SLC39A11: variants seen among roughly 807,000 people sequenced by gnomAD.
The protein encoded by SLC39A11 is zinc transporter ZIP11.
SLC39A11 carries 33 observed loss-of-function variants against 36.1 expected under a neutral mutation model. The ratio of observed to expected loss-of-function variants is 0.91; its 90% confidence interval spans 0.69 to 1.22. SLC39A11 has a LOEUF of 1.22. Ranked by LOEUF, SLC39A11 falls within the 50% of genes most tolerant of loss-of-function variation. The pLI is 0.00. For missense variants in SLC39A11, 432 were observed against 430.3 expected (o/e 1.00, Z -0.03); for synonymous variants, 166 against 170.3 (o/e 0.97, Z 0.20).
chr17:72,793,374 A>AC lies in SLC39A11; in HGVS notation c.601+56259dup, dbSNP rs1462654250. Among the ~76,000 whole-genome samples, 10 of 151,336 alleles carry AC rather than the reference A, an allele frequency of 6.6e-5. 1 individual carries two copies. The South Asian group carries it at 8.4e-4, about 13-fold the overall frequency. The stretch of plus-strand genomic sequence containing the variant: ...CATTCTCCAGTTAGCCACAGACCCC[A>AC]CCCCTCCCTACTGTCTTTTATTAGC... On this transcript the variant is annotated intron_variant, in intron 6 of 9. Transcript: ENST00000255559.
At chr17:72,988,923 T>C (rs780405961) in intron 4 of SLC39A11, among the ~76,000 whole-genome samples, 6 of 152,008 alleles carry the variant, frequency 3.9e-5, no homozygotes, top group Non-Finnish European at 7.4e-5. Flanking sequence ...AAGATTACAA[T>C]ATGCAGGCAG....
At chr17:72,790,371 C>T (rs1028613052) in intron 6 of SLC39A11, among the ~76,000 whole-genome samples, 1 of 152,150 alleles carries the variant, frequency 6.6e-6, no homozygotes, top group African/African-American at 2.4e-5. Context: ...CTCATCTGAA[C>T]AACAAAACCG....
intron 3 of SLC39A11, among the ~76,000 whole-genome samples, chr17:73,078,701 T>G (rs2060414612): frequency 6.6e-6 from 1 of 152,058 alleles, no homozygotes; most frequent in South Asian, 2.1e-4. Flanking sequence ...TTCGCCATGT[T>G]GGCCAGGCTG....
intron 4 of SLC39A11, among the ~76,000 whole-genome samples, chr17:73,024,864 A>ATTTTTTTTTTTTTTTTTTTTTT (rs1163840820): frequency 8.2e-5 from 8 of 97,900 alleles, no homozygotes; most frequent in African/African-American, 1.2e-4. Flanking sequence ...TGCCCAGCTA[A>ATTTTTTTTTTTTTTTTTTTTTT]TTTTTTTTTT....
rs375619393 is a variant in SLC39A11 at position 72,771,522 on chromosome 17, CAGG to C, written c.602-34806_602-34804del. Among the ~76,000 whole-genome samples the C allele has an allele frequency of 1.2e-4, 19 of 152,152 alleles. 1 individual carries two copies. The highest frequency in any genetic ancestry group is 4.6e-4 in the African/African-American group (19 of 41,508). ...TACCTGGCCCTCCAGGCTCACCTTG[CAGG>C]AGGAGAGCCTGCAGCTGAGAAGCTC... On this transcript the variant is annotated intron_variant, in intron 6 of 9. Transcript: ENST00000255559.
intron 5 of SLC39A11, among the ~76,000 whole-genome samples, chr17:72,856,843 G>T (rs1030931656): frequency 6.6e-6 from 1 of 152,052 alleles, no homozygotes; most frequent in Non-Finnish European, 1.5e-5. Flanking sequence ...ACCCCACCCG[G>T]CTAATTTTTG....
chr17:72,955,670 C>T (rs1182005605), intron 4 of SLC39A11, among the ~76,000 whole-genome samples: 4 of 151,940 alleles, frequency 2.6e-5, no homozygotes, highest in African/African-American at 9.7e-5. Context: ...CTGTGTCTCG[C>T]GGCCCTACTG....
In SLC39A11 at chr17:72,949,423, A is replaced by C. The variant is rs143684472; in HGVS notation, c.307-1548T>G. ...TGATCCACCTGCCTCGGCCTCCCAA[A>C]GTGCTGGGATTACAGGTGTGGGCCA... is the stretch of plus-strand genomic sequence containing the variant. On this transcript the variant is annotated intron_variant, in intron 4 of 9. Coordinates refer to ENST00000255559, the MANE Select transcript of SLC39A11 (RefSeq NM_139177.4). Among the ~76,000 whole-genome samples the C allele has an allele frequency of 4.2e-3, 638 of 151,904 alleles. 6 individuals are homozygous for C. Among genetic ancestry groups the C allele is most frequent in the Non-Finnish European group, 5.9e-3 (400 of 67,932 alleles).
chr17:72,672,531 T>TA (rs1002325442), intron 7 of SLC39A11, among the ~76,000 whole-genome samples: 10 of 152,250 alleles, frequency 6.6e-5, no homozygotes, highest in Admixed American at 1.3e-4. Context: ...CATCTTAACC[T>TA]AAAAAGACAG....
chr17:72,883,622 T>C (rs2081315188), intron 5 of SLC39A11, among the ~76,000 whole-genome samples: 1 of 152,086 alleles, frequency 6.6e-6, no homozygotes, highest in Non-Finnish European at 1.5e-5. Context: ...TTCTGAGGCT[T>C]GACTGAGAAA....
chr17:73,010,272 T>C (rs1039685837), intron 4 of SLC39A11, among the ~76,000 whole-genome samples: 1 of 152,154 alleles, frequency 6.6e-6, no homozygotes. Context: ...AACCAGACCC[T>C]TTCTCCCTTT....
At chr17:72,729,408 TATA>T (rs1567994125) in intron 7 of SLC39A11, among the ~76,000 whole-genome samples, 154 of 4,430 alleles carry the variant, frequency 0.035, 20 homozygotes, top group Middle Eastern at 0.25. Flanking sequence ...TGGCTATTTA[TATA>T]TATATATATA....
At chr17:73,050,378 G>A (rs962591778) in intron 3 of SLC39A11, among the ~76,000 whole-genome samples, 1 of 148,654 alleles carries the variant, frequency 6.7e-6, no homozygotes, top group African/African-American at 2.5e-5. Flanking sequence ...AAAGCAGGAA[G>A]GGTTATCAGC....
chr17:72,688,734 C>T (rs535030060), intron 7 of SLC39A11, among the ~76,000 whole-genome samples: 1 of 152,282 alleles, frequency 6.6e-6, no homozygotes, highest in Admixed American at 6.5e-5. Context: ...GGAAAGGGTT[C>T]GCTTCAGTGG....
At chr17:72,670,406 TA>T in intron 7 of SLC39A11, among the ~76,000 whole-genome samples, 1 of 152,218 alleles carries the variant, frequency 6.6e-6, no homozygotes, top group South Asian at 2.1e-4. Flanking sequence ...TGTTTCTCCT[TA>T]AATTTTCTCA....
At chr17:73,044,987 T>A (rs2059231628) in intron 3 of SLC39A11, among the ~76,000 whole-genome samples, 1 of 151,946 alleles carries the variant, frequency 6.6e-6, no homozygotes, top group Non-Finnish European at 1.5e-5. Context: ...GATCTGGGCA[T>A]ATTGTATATG....
At chr17:72,801,598 T>C (rs2077086222) in intron 6 of SLC39A11, among the ~76,000 whole-genome samples, 3 of 152,228 alleles carry the variant, frequency 2.0e-5, no homozygotes, top group Non-Finnish European at 2.9e-5. Flanking sequence ...AGCCATGGAA[T>C]TGCACATTGT....
At chr17:73,064,885 G>A (rs939568429) in intron 3 of SLC39A11, among the ~76,000 whole-genome samples, 2 of 152,118 alleles carry the variant, frequency 1.3e-5, no homozygotes. Flanking sequence ...CTTGGCAGAG[G>A]GGGGATAGGG....
intron 5 of SLC39A11, among the ~76,000 whole-genome samples, chr17:72,914,009 G>GCAAA (rs1555629088): frequency 6.8e-6 from 1 of 147,382 alleles, no homozygotes; most frequent in Non-Finnish European, 1.5e-5. Context: ...TAAAATAATT[G>GCAAA]AAAGAAAAAA....
Sources: allele counts gnomAD v4.1 joint callset (sites outside exome capture counted in the v4.1 genomes callset), GRCh38; gene constraint gnomAD v4.1.1; transcripts MANE v1.5; gene names NCBI Gene and HGNC (gene_info 2026-07-23, HGNC 2026-07-21).